The following KCNJ6 variants were observed in gnomAD, a reference collection of about 807,000 sequenced individuals.
The protein encoded by KCNJ6 is potassium inwardly rectifying channel subfamily J member 6, also known as G protein-activated inward rectifier potassium channel 2.
Under a neutral mutation model 34.2 loss-of-function variants are expected in KCNJ6, and 9 were observed. That is an observed-to-expected ratio of 0.26 (90% CI 0.16 to 0.46). The LOEUF (loss-of-function observed/expected upper bound fraction) is 0.46, where lower values mean the gene tolerates loss of function less well. Among genes scored for constraint, KCNJ6 ranks in the 20% least tolerant of loss-of-function variants. The probability of loss-of-function intolerance (pLI) is 1.00; values close to 1 mark genes in which losing one functional copy is unlikely to be tolerated. For synonymous variants in KCNJ6, 196 were observed against 207.1 expected (o/e 0.95, Z 0.46); for missense variants, 236 against 531.3 (o/e 0.44, Z 5.46).
intron 1 of KCNJ6, among the ~76,000 whole-genome samples, chr21:37,855,760 T>C (rs1367622167): frequency 2.6e-5 from 4 of 152,230 alleles, no homozygotes; most frequent in Admixed American, 2.0e-4. Context: ...TGCTCAACCG[T>C]GATGAATATT....
At chr21:37,740,297 AC>A (rs1459857565) in intron 2 of KCNJ6, among the ~76,000 whole-genome samples, 1 of 152,134 alleles carries the variant, frequency 6.6e-6, no homozygotes, top group Non-Finnish European at 1.5e-5. Context: ...ATCAACACAG[AC>A]CCGAAGTCTG....
intron 1 of KCNJ6, among the ~76,000 whole-genome samples, chr21:37,862,343 A>G (rs2055598806): frequency 6.6e-6 from 1 of 152,214 alleles, no homozygotes; most frequent in Admixed American, 6.5e-5. Flanking sequence ...GAAGTCTTCT[A>G]TTTTAACTTT....
chr21:37,914,282 T>C (rs904648057), intron 1 of KCNJ6, among the ~76,000 whole-genome samples: 1 of 152,180 alleles, frequency 6.6e-6, no homozygotes, highest in African/African-American at 2.4e-5. Context: ...TAGAAAGTGA[T>C]TGACCTCCAG....
intron 2 of KCNJ6, among the ~76,000 whole-genome samples, chr21:37,821,293 C>A (rs1264318817): frequency 6.6e-6 from 1 of 152,190 alleles, no homozygotes; most frequent in East Asian, 1.9e-4. Context: ...TAACCACTAC[C>A]TCCATCTAGT....
intron 3 of KCNJ6, among the ~76,000 whole-genome samples, chr21:37,704,501 C>T (rs1569448604): frequency 6.6e-6 from 1 of 152,196 alleles, no homozygotes; most frequent in Non-Finnish European, 1.5e-5. Flanking sequence ...CTCCTCTAAT[C>T]CCATTACTCA....
At chr21:37,772,873 T>C (rs1291539232) in intron 2 of KCNJ6, among the ~76,000 whole-genome samples, 1 of 152,232 alleles carries the variant, frequency 6.6e-6, no homozygotes, top group Non-Finnish European at 1.5e-5. Flanking sequence ...TTAAATGTAC[T>C]ATATATATGT....
intron 1 of KCNJ6, among the ~76,000 whole-genome samples, chr21:37,898,060 G>C (rs765074820): frequency 6.6e-6 from 1 of 152,184 alleles, no homozygotes; most frequent in Non-Finnish European, 1.5e-5. Context: ...CATGTTGACC[G>C]CCCTTTAAAA....
chr21:37,849,224 G>A (rs1328617360), intron 1 of KCNJ6, among the ~76,000 whole-genome samples: 7 of 152,122 alleles, frequency 4.6e-5, no homozygotes, highest in Non-Finnish European at 8.8e-5. Context: ...TAGCTTCCCA[G>A]GACTCAACCA....
chr21:37,813,428 A>G (rs2055332248), intron 2 of KCNJ6, among the ~76,000 whole-genome samples: 1 of 152,242 alleles, frequency 6.6e-6, no homozygotes, highest in Admixed American at 6.5e-5. Flanking sequence ...TGGAACCAGA[A>G]GAAACCCAGA....
intron 2 of KCNJ6, among the ~76,000 whole-genome samples, chr21:37,816,224 G>T (rs1017804217): frequency 2.6e-5 from 4 of 152,168 alleles, no homozygotes; most frequent in Non-Finnish European, 4.4e-5. Context: ...CACGCTCTGT[G>T]GTAGGTGCTG....
chr21:37,899,240 T>A (rs1314542672), intron 1 of KCNJ6, among the ~76,000 whole-genome samples: 1 of 152,280 alleles, frequency 6.6e-6, no homozygotes, highest in African/African-American at 2.4e-5. Flanking sequence ...CTTTTGTGTA[T>A]AATCTCGGTA....
chr21:37,608,345 A>T lies in KCNJ6; in HGVS notation c.*16814T>A, dbSNP rs547751360. The T allele has an allele frequency of 6.6e-6, 1 of 152,234 alleles. No homozygotes were observed. The highest frequency in any genetic ancestry group is 2.4e-5 in the African/African-American group (1 of 41,516). The allele number at this position is 152,234 out of a possible 1,614,324, so 9.4% of individuals were successfully genotyped here. A position where few individuals can be genotyped will look rare whatever the true frequency, so the allele number is the denominator to read the frequency against. On this transcript the variant is annotated 3_prime_UTR_variant, in exon 4 of 4. Coordinates refer to ENST00000609713, the MANE Select transcript of KCNJ6 (RefSeq NM_002240.5). ...CTCTCTCTCTCTTTTTAAAATAGAG[A>T]TGGGGTCTTGCTGTGTTGCACAGGC... is the stretch of plus-strand genomic sequence containing the variant.
intron 2 of KCNJ6, among the ~76,000 whole-genome samples, chr21:37,788,506 A>G (rs1350618100): frequency 6.6e-6 from 1 of 152,196 alleles, no homozygotes; most frequent in East Asian, 1.9e-4. Flanking sequence ...CACTCTTCAT[A>G]TTTATGACCT....
At chr21:37,782,716 A>G (rs2055175408) in intron 2 of KCNJ6, among the ~76,000 whole-genome samples, 1 of 152,174 alleles carries the variant, frequency 6.6e-6, no homozygotes, top group Non-Finnish European at 1.5e-5. Context: ...CTGTGGCCCT[A>G]CTGGGGAAGT....
intron 2 of KCNJ6, among the ~76,000 whole-genome samples, chr21:37,789,241 C>T (rs139949016): frequency 1.3e-5 from 2 of 152,184 alleles, no homozygotes; most frequent in African/African-American, 4.8e-5. Context: ...TGTGTTCCCC[C>T]ACATTTACAT....
Position 37,728,702 on chromosome 21 carries a change from A to G in KCNJ6, c.26-13571T>C, listed in dbSNP as rs867847089. Among the ~76,000 whole-genome samples, 1,087 of 151,652 alleles carry G rather than the reference A, an allele frequency of 7.2e-3. 14 individuals are homozygous for G. The highest frequency in any genetic ancestry group is 0.025 in the African/African-American group (1,020 of 41,236). On this transcript the variant is annotated intron_variant, in intron 2 of 3. Transcript: ENST00000609713. The stretch of plus-strand genomic sequence containing the variant: ...GGTATGTGTGTGTGTGTGTGTGTAT[A>G]TATATATATGTTTGAATTGCAAAGC...
rs188500122 is a variant in KCNJ6, at chr21:37,885,127, C to T, written c.-28+30757G>A. Among the ~76,000 whole-genome samples the T allele has an allele frequency of 6.0e-4, 92 of 152,354 alleles. 1 individual carries two copies. The South Asian group carries it at 0.012, about 20-fold the overall frequency. On this transcript the variant is annotated intron_variant, in intron 1 of 3. Transcript: ENST00000609713. ...GTCCATCCTATCCCTGGATTGACTG[C>T]ACCCTGAGTGCTTGGTGAAGAAACA...
intron 1 of KCNJ6, among the ~76,000 whole-genome samples, chr21:37,882,639 T>A (rs2055715122): frequency 6.6e-6 from 1 of 152,308 alleles, no homozygotes; most frequent in East Asian, 1.9e-4. Flanking sequence ...GAGGTAAGGC[T>A]TGTGAGAATG....
chr21:37,700,403 A>G (rs1243857309), intron 3 of KCNJ6, among the ~76,000 whole-genome samples: 1 of 152,242 alleles, frequency 6.6e-6, no homozygotes, highest in Non-Finnish European at 1.5e-5. Flanking sequence ...GTAGTGGGGC[A>G]AAGGACAGGA....
Sources: gnomAD v4.1 joint callset for allele counts (sites outside exome capture counted in the v4.1 genomes callset) on GRCh38, gnomAD v4.1.1 for gene constraint, MANE v1.5 for transcripts, NCBI Gene and HGNC (gene_info 2026-07-23, HGNC 2026-07-21) for gene names.